Variants in IGFBP5 observed in about 807,000 individuals in gnomAD.
The protein encoded by IGFBP5 is insulin-like growth factor-binding protein 5.
IGFBP5 carries 12 observed loss-of-function variants against 28.0 expected under a neutral mutation model. The observed-to-expected ratio is 0.43, with a 90% CI of 0.27 to 0.69. The LOEUF is 0.69. Among genes scored for constraint, IGFBP5 ranks in the 30% least tolerant of loss-of-function variants. The pLI is 0.20. For synonymous variants in IGFBP5, 152 were observed against 150.2 expected, an observed-to-expected ratio of 1.01 and a Z score of -0.09; for missense variants, 344 against 381.6, an observed-to-expected ratio of 0.90 and a Z score of 0.82.
intron 1 of IGFBP5, among the ~76,000 whole-genome samples, chr2:216,689,207 G>A (rs10932672): frequency 0.049 from 7,515 of 152,242 alleles, 371 homozygotes; most frequent in Admixed American, 0.14. Context: ...ACTACAGGCC[G>A]CTGCACAGCT....
chr2:216,687,775 A>T (rs1010329943), intron 1 of IGFBP5, among the ~76,000 whole-genome samples: 4 of 151,684 alleles, frequency 2.6e-5, no homozygotes, highest in African/African-American at 9.7e-5. Context: ...TCCCATCATG[A>T]CCCATCACAG....
At chr2:216,678,754 G>T in intron 2 of IGFBP5, 96 bp downstream of exon 2, 1 of 1,007,070 alleles carries the variant, frequency 9.9e-7, no homozygotes, top group Non-Finnish European at 1.5e-6. Context: ...GTCCTCTGCT[G>T]GGTCTAGTCT....
chr2:216,689,630 T>C (rs1689070831), intron 1 of IGFBP5, among the ~76,000 whole-genome samples: 1 of 152,264 alleles, frequency 6.6e-6, no homozygotes, highest in South Asian at 2.1e-4. Flanking sequence ...AATGCAGTGC[T>C]GGAGCCCCTG....
Position 216,694,371 on chromosome 2 carries a change from G to T in IGFBP5, c.337+68C>A, listed in dbSNP as rs1404557993. On this transcript the variant is annotated intron_variant, in intron 1 of 3. Coordinates refer to ENST00000233813, the MANE Select transcript of IGFBP5 (RefSeq NM_000599.4). This position sits in a 1 kb window ranked among gnomAD's most constrained non-coding sequence, Gnocchi z 5.2. ...AAGCCACTTGCTGCGCAAAGCGCGC[G>T]GGCCCAGCCGGTCTCGTGTCCCCCG... 2.2e-6 allele frequency: 3 copies of T among 1,350,892 alleles called. No individual in the cohort carries two copies. The highest frequency in any genetic ancestry group is 3.1e-5 in the South Asian group (2 of 64,656). 83.7% of individuals were successfully genotyped at this position (1,350,892 alleles called of 1,614,324 possible).
chr2:216,684,138 C>G (rs1354368075), intron 1 of IGFBP5, among the ~76,000 whole-genome samples: 1 of 152,188 alleles, frequency 6.6e-6, no homozygotes, highest in Non-Finnish European at 1.5e-5. Flanking sequence ...CTCCATGCTG[C>G]ACAATTGCAC....
chr2:216,692,639 C>G lies in IGFBP5; in HGVS notation c.337+1800G>C, dbSNP rs543316357. ...CTAGGCTTTTCCAAATCCACATCCC[C>G]CAAGATGAAGGCGGGCAGGACCGCC... On this transcript the variant is annotated intron_variant, in intron 1 of 3. Transcript: ENST00000233813. This position sits in a 1 kb window ranked among gnomAD's most constrained non-coding sequence, Gnocchi z 4.2. Among the ~76,000 whole-genome samples the G allele has an allele frequency of 6.6e-6, 1 of 152,244 alleles. No homozygotes were observed. The highest frequency in any genetic ancestry group is 1.5e-5 in the Non-Finnish European group (1 of 68,008).
intron 3 of IGFBP5, among the ~76,000 whole-genome samples, chr2:216,677,693 T>C (rs1363509240): frequency 6.6e-6 from 1 of 152,198 alleles, no homozygotes; most frequent in Non-Finnish European, 1.5e-5. Context: ...CCTCCAGGGA[T>C]AGGATGCCCT....
At chr2:216,690,880 G>A (rs1339193971) in intron 1 of IGFBP5, among the ~76,000 whole-genome samples, 15 of 137,636 alleles carry the variant, frequency 1.1e-4, no homozygotes, top group Admixed American at 9.2e-4. Flanking sequence ...AGGTGGGGGA[G>A]GGGGGGCGGG....
rs760960583 is a variant in IGFBP5, at chr2:216,694,431, G to C, written c.337+8C>G. On this transcript the variant is annotated splice_region_variant and intron_variant, in intron 1 of 3. Transcript: ENST00000233813. This position sits in a 1 kb window ranked among gnomAD's most constrained non-coding sequence, Gnocchi z 5.2. ...CGCGTAACTGACTGGCACACTGAGC[G>C]CGCTCACCGATCTTGACTTGCTCGC... 1 of 1,520,370 alleles carries C rather than the reference G, an allele frequency of 6.6e-7. No individual in the cohort carries two copies. The highest frequency in any genetic ancestry group is 1.3e-5 in the South Asian group (1 of 79,496). 94.2% of individuals were successfully genotyped at this position (1,520,370 alleles called of 1,614,324 possible). A position where few individuals can be genotyped will look rare whatever the true frequency, so the allele number is the denominator to read the frequency against.
At chr2:216,678,611 G>T (rs1688932752) in intron 2 of IGFBP5, 1 of 576,080 alleles carries the variant, frequency 1.7e-6, no homozygotes, top group Admixed American at 3.0e-5. Flanking sequence ...GTGGCCGCTG[G>T]GCTGGCACAC....
At chr2:216,690,950 C>T (rs1184773551) in intron 1 of IGFBP5, among the ~76,000 whole-genome samples, 1 of 151,582 alleles carries the variant, frequency 6.6e-6, no homozygotes, top group Non-Finnish European at 1.5e-5. Flanking sequence ...AAAGCCCCAT[C>T]TCGTTTTCCC....
intron 1 of IGFBP5, among the ~76,000 whole-genome samples, chr2:216,684,620 T>C (rs1299770653): frequency 1.3e-5 from 2 of 152,188 alleles, no homozygotes; most frequent in African/African-American, 4.8e-5. Flanking sequence ...GGAGCTGAAT[T>C]TGTTCTGGGT....
chr2:216,682,123 C>G (rs967902941), intron 1 of IGFBP5, among the ~76,000 whole-genome samples: 2 of 152,238 alleles, frequency 1.3e-5, no homozygotes, highest in Non-Finnish European at 2.9e-5. Context: ...CCTTCCCCAG[C>G]TTTGCAAGCT....
At chr2:216,691,649 C>A (rs1325824859) in intron 1 of IGFBP5, among the ~76,000 whole-genome samples, 1 of 152,096 alleles carries the variant, frequency 6.6e-6, no homozygotes, top group Non-Finnish European at 1.5e-5. Context: ...TAGCAAAACA[C>A]CCTCTCCTCC....
Position 216,692,529 on chromosome 2 carries a change from A to T in IGFBP5, c.337+1910T>A, listed in dbSNP as rs1193091583. 6.6e-6 allele frequency among the ~76,000 whole-genome samples: 1 copy of T among 151,890 alleles called. No homozygotes were observed. Among genetic ancestry groups the T allele is most frequent in the Admixed American group, 6.6e-5 (1 of 15,234 alleles). On this transcript the variant is annotated intron_variant, in intron 1 of 3. Transcript: ENST00000233813. The surrounding 1 kb of genome is among the most constrained non-coding windows in gnomAD (Gnocchi z 4.2). ...TGGAGCCAGGATGCGGCTGAGTGAC[A>T]CCTTACGTTCTTTCGGTGTGACTGG... is the stretch of plus-strand genomic sequence containing the variant.
Position 216,692,198 on chromosome 2 carries a change from C to T in IGFBP5, c.337+2241G>A, listed in dbSNP as rs1304968922. 6.6e-6 allele frequency among the ~76,000 whole-genome samples: 1 copy of T among 152,162 alleles called. No individual in the cohort carries two copies. The highest frequency in any genetic ancestry group is 1.5e-5 in the Non-Finnish European group (1 of 68,030). ...GAGCGCCGCCAACCCGCAACAGCAGCCGGCCGGGCACCTGCCTTCGGCGGG... is the reference window on the plus strand; with the variant it reads ...GAGCGCCGCCAACCCGCAACAGCAGTCGGCCGGGCACCTGCCTTCGGCGGG... On this transcript the variant is annotated intron_variant, in intron 1 of 3. Transcript: ENST00000233813. This position sits in a 1 kb window ranked among gnomAD's most constrained non-coding sequence, Gnocchi z 4.2.
At chr2:216,689,491 G>A (rs182149580) in intron 1 of IGFBP5, among the ~76,000 whole-genome samples, 213 of 152,330 alleles carry the variant, frequency 1.4e-3, no homozygotes, top group African/African-American at 4.0e-3. Context: ...AAAACAGAGT[G>A]CCTTCAGATT....
chr2:216,689,545 C>T (rs1004488745), intron 1 of IGFBP5, among the ~76,000 whole-genome samples: 2 of 152,224 alleles, frequency 1.3e-5, no homozygotes, highest in East Asian at 3.8e-4. Flanking sequence ...GCAGTGTTTG[C>T]CAAAGGCCTT....
chr2:216,681,753 C>T (rs1688979968), intron 1 of IGFBP5, among the ~76,000 whole-genome samples: 1 of 152,146 alleles, frequency 6.6e-6, no homozygotes, highest in Non-Finnish European at 1.5e-5. Flanking sequence ...CTCTCTTTGG[C>T]CTTGGGGGAC....
Sources: gnomAD v4.1 joint callset for allele counts (sites outside exome capture counted in the v4.1 genomes callset) on GRCh38, gnomAD v4.1.1 for gene constraint, Gnocchi (gnomAD v3.1) non-coding constraint, MANE v1.5 for transcripts, NCBI Gene and HGNC (gene_info 2026-07-23, HGNC 2026-07-21) for gene names.